The following PDE8B variants were observed in gnomAD, a reference collection of about 807,000 sequenced individuals.
PDE8B encodes high affinity cAMP-specific and IBMX-insensitive 3',5'-cyclic phosphodiesterase 8B.
A neutral mutation model predicts 101.3 loss-of-function variants in PDE8B; 26 were observed. That is an observed-to-expected ratio of 0.26 (90% CI 0.19 to 0.36). The LOEUF is 0.36. Among genes scored for constraint, PDE8B ranks in the 10% least tolerant of loss-of-function variants. The pLI, the probability that PDE8B is intolerant of heterozygous loss-of-function variation, is 1.00. For missense variants in PDE8B, 810 were observed against 1,163.1 expected, an observed-to-expected ratio of 0.70 and a Z score of 4.42; for synonymous variants, 424 against 429.3, an observed-to-expected ratio of 0.99 and a Z score of 0.15.
At chr5:77,109,930 T>TG in the PDE8B span, among the ~76,000 whole-genome samples, 1 of 82,058 alleles carries the variant, frequency 1.2e-5, no homozygotes, top group East Asian at 3.2e-4. Flanking sequence ...TATTTCAGTT[T>TG]TTTTTTTTTT....
intron 13 of PDE8B, 26 bp from the exon 14 acceptor site, chr5:77,408,867 G>A: frequency 6.3e-7 from 1 of 1,591,916 alleles, no homozygotes; most frequent in Non-Finnish European, 8.6e-7. Context: ...ATTATCCTCA[G>A]ATGTATTCTT....
chr5:77,168,841 T>C, the PDE8B span, among the ~76,000 whole-genome samples: 1 of 152,220 alleles, frequency 6.6e-6, no homozygotes, highest in Non-Finnish European at 1.5e-5. Flanking sequence ...CCTGCAGACC[T>C]GCCATGTTTT....
chr5:77,199,714 G>A, the PDE8B span, among the ~76,000 whole-genome samples: 1,201 of 152,228 alleles, frequency 7.9e-3, 7 homozygotes, highest in Non-Finnish European at 0.012. Flanking sequence ...TGGGTGTTCA[G>A]GTTAGTGGTA....
intron 10 of PDE8B, among the ~76,000 whole-genome samples, chr5:77,386,671 T>C (rs1396712130): frequency 6.6e-6 from 1 of 152,114 alleles, no homozygotes; most frequent in Non-Finnish European, 1.5e-5. Context: ...TATGTGTGTC[T>C]TTGCACATGA....
At chr5:77,106,990 G>T in the PDE8B span, among the ~76,000 whole-genome samples, 241 of 152,194 alleles carry the variant, frequency 1.6e-3, 1 homozygote, top group African/African-American at 5.6e-3. Flanking sequence ...CCATGTTGGT[G>T]TGCTGCACCC....
rs1325664312 is a variant in PDE8B at position 77,211,682 on chromosome 5, A to T, written c.339+418A>T. The stretch of plus-strand genomic sequence containing the variant: ...TGCGTGCCTTGTAGGTGACTGGTGC[A>T]GTTGCAGCACCAGGATAGATAGTGC... On this transcript the variant is annotated intron_variant, in intron 1 of 21. Coordinates refer to ENST00000264917, the MANE Select transcript of PDE8B (RefSeq NM_003719.5). This position sits in a 1 kb window ranked among gnomAD's most constrained non-coding sequence, Gnocchi z 4.1. 2.0e-5 allele frequency among the ~76,000 whole-genome samples: 3 copies of T among 152,238 alleles called. No homozygotes were observed. The East Asian group carries it at 5.8e-4, about 29-fold the overall frequency.
the PDE8B span, among the ~76,000 whole-genome samples, chr5:77,092,748 C>G: frequency 6.6e-6 from 1 of 151,856 alleles, no homozygotes; most frequent in East Asian, 1.9e-4. Flanking sequence ...GTGAAATCAC[C>G]TCTTAAAAAA....
intron 4 of PDE8B, 72 bp downstream of exon 4, chr5:77,329,129 T>G (rs1776631355): frequency 7.9e-7 from 1 of 1,263,286 alleles, no homozygotes; most frequent in Non-Finnish European, 1.2e-6. Context: ...TGTAATCTGG[T>G]TTTTGAGCTA....
the PDE8B span, among the ~76,000 whole-genome samples, chr5:77,166,251 C>CA: frequency 4.7e-5 from 6 of 126,820 alleles, no homozygotes; most frequent in African/African-American, 8.9e-5. Flanking sequence ...AAAAAACCAA[C>CA]AAAAAAAACC....
chr5:77,150,392 A>T, the PDE8B span, among the ~76,000 whole-genome samples: 1 of 152,070 alleles, frequency 6.6e-6, no homozygotes, highest in Non-Finnish European at 1.5e-5. Flanking sequence ...AGCTGCATAC[A>T]ACTGTAACCC....
chr5:77,183,547 G>A, the PDE8B span, among the ~76,000 whole-genome samples: 18 of 152,188 alleles, frequency 1.2e-4, no homozygotes, highest in Admixed American at 1.2e-3. Flanking sequence ...CATGCAAGAA[G>A]GAAGAAAAGG....
intron 1 of PDE8B, among the ~76,000 whole-genome samples, chr5:77,248,976 G>A (rs1757524005): frequency 6.6e-6 from 1 of 152,324 alleles, no homozygotes; most frequent in Admixed American, 6.5e-5. Context: ...AACCCTGCCA[G>A]ACCTTGACCT....
chr5:77,210,547 C>T (rs1302526078), upstream of PDE8B: 91 of 862,182 alleles, frequency 1.1e-4, no homozygotes, highest in Non-Finnish European at 1.2e-4. The surrounding 1 kb of genome is among the most constrained non-coding windows in gnomAD (Gnocchi z 4.9). Context: ...GCCGCGGGTG[C>T]GGGAGCCCGG....
At chr5:77,142,496 G>A in the PDE8B span, among the ~76,000 whole-genome samples, 2 of 152,126 alleles carry the variant, frequency 1.3e-5, no homozygotes, top group Admixed American at 6.6e-5. Flanking sequence ...CTATAGATTA[G>A]TTTTATATAA....
At chr5:77,255,882 G>A (rs1217387096) in intron 1 of PDE8B, among the ~76,000 whole-genome samples, 1 of 152,234 alleles carries the variant, frequency 6.6e-6, no homozygotes, top group Non-Finnish European at 1.5e-5. Context: ...AGTTCACTGT[G>A]GTTTGGGTGG....
the PDE8B span, among the ~76,000 whole-genome samples, chr5:77,202,624 A>T: frequency 6.6e-6 from 1 of 151,590 alleles, no homozygotes. Flanking sequence ...GGTCAATAGT[A>T]GGTTATTAGT....
At position 77,410,937 on chromosome 5, in the gene PDE8B, C is replaced by A. The variant is rs184076243; in HGVS notation, c.1531-739C>A. 4 of 152,230 alleles carry A rather than the reference C, an allele frequency of 2.6e-5. No individual in the cohort carries two copies. In the East Asian group the frequency reaches 7.7e-4, roughly 29 times the overall value. 9.4% of individuals were successfully genotyped at this position (152,230 alleles called of 1,614,324 possible). On this transcript the variant is annotated intron_variant, in intron 14 of 21. Transcript: ENST00000264917. ...ACATGTGCCATGTTGGTGTGCATTT[C>A]TAAATGACTTTTAAGCAAAGATCTA...
At chr5:77,206,932 T>C (rs1747549545), upstream of PDE8B, among the ~76,000 whole-genome samples, 1 of 152,218 alleles carries the variant, frequency 6.6e-6, no homozygotes, top group Non-Finnish European at 1.5e-5. Context: ...ATGTTGGTGA[T>C]TTAGAGACTC....
intron 5 of PDE8B, among the ~76,000 whole-genome samples, chr5:77,335,218 T>C (rs1044886339): frequency 6.6e-6 from 1 of 152,188 alleles, no homozygotes; most frequent in Non-Finnish European, 1.5e-5. Flanking sequence ...TATTCCAGCA[T>C]TTTCAAAACA....
Sources: gnomAD v4.1 joint callset for allele counts (sites outside exome capture counted in the v4.1 genomes callset) on GRCh38, gnomAD v4.1.1 for gene constraint, Gnocchi (gnomAD v3.1) non-coding constraint, MANE v1.5 for transcripts, NCBI Gene and HGNC (gene_info 2026-07-23, HGNC 2026-07-21) for gene names.